Variants in PARVA observed in about 807,000 individuals in gnomAD.
PARVA encodes parvin alpha.
A neutral mutation model predicts 52.6 loss-of-function variants in PARVA; 25 were observed. The ratio of observed to expected loss-of-function variants is 0.48; its 90% CI spans 0.35 to 0.66. The LOEUF is 0.66. PARVA is among the 30% of genes least tolerant of loss of function. The pLI is 0.01. For synonymous variants in PARVA, 185 were observed against 179.1 expected (o/e 1.03, Z -0.26); for missense variants, 373 against 450.9 (o/e 0.83, Z 1.56).
intron 1 of PARVA, among the ~76,000 whole-genome samples, chr11:12,459,910 CA>C (rs773031269): frequency 6.6e-6 from 1 of 152,150 alleles, no homozygotes; most frequent in Non-Finnish European, 1.5e-5. Flanking sequence ...TTAAAACAAA[CA>C]AAAACACTGC....
In PARVA at chr11:12,448,091, T is replaced by G. The variant is rs1397219538; in HGVS notation, c.137-25654T>G. Among the ~76,000 whole-genome samples, 5 of 152,330 alleles carry G rather than the reference T, an allele frequency of 3.3e-5. No individual in the cohort carries two copies. In the South Asian group the frequency reaches 6.2e-4, roughly 19 times the overall value. On this transcript the variant is annotated intron_variant, in intron 1 of 12. Transcript: ENST00000334956. ...GTGCTCAATTTATAATGTGTATAAATTACAATTGAATCACGTGCAGGGCTG... is the reference window on the plus strand; with the variant it reads ...GTGCTCAATTTATAATGTGTATAAAGTACAATTGAATCACGTGCAGGGCTG...
chr11:12,416,641 A>C (rs1459813591), intron 1 of PARVA, among the ~76,000 whole-genome samples: 1 of 152,100 alleles, frequency 6.6e-6, no homozygotes, highest in Non-Finnish European at 1.5e-5. Context: ...GAAGGAAGGA[A>C]ATCAGGGGAG....
At chr11:12,495,621 C>CTT (rs113219639) in intron 4 of PARVA, among the ~76,000 whole-genome samples, 308 of 150,410 alleles carry the variant, frequency 2.0e-3, no homozygotes, top group Non-Finnish European at 2.7e-3. Context: ...TGAGTTTTTC[C>CTT]TTTTTTTTAA....
chr11:12,462,663 A>G (rs755253064), intron 1 of PARVA, among the ~76,000 whole-genome samples: 1 of 152,232 alleles, frequency 6.6e-6, no homozygotes, highest in East Asian at 1.9e-4. Flanking sequence ...ACAAAAGCCC[A>G]TGGTATAAAG....
chr11:12,405,835 G>A (rs1042792202), intron 1 of PARVA, among the ~76,000 whole-genome samples: 2 of 152,010 alleles, frequency 1.3e-5, no homozygotes, highest in African/African-American at 4.8e-5. Context: ...GCAGGTGCCT[G>A]TAATCACAGC....
At chr11:12,422,742 A>G (rs1940169520) in intron 1 of PARVA, among the ~76,000 whole-genome samples, 3 of 152,334 alleles carry the variant, frequency 2.0e-5, no homozygotes, top group South Asian at 2.1e-4. Flanking sequence ...ATGACAATAT[A>G]TGTTTATCTC....
intron 4 of PARVA, among the ~76,000 whole-genome samples, chr11:12,481,782 T>G (rs969775479): frequency 6.6e-6 from 1 of 152,102 alleles, no homozygotes; most frequent in Admixed American, 6.6e-5. Context: ...AGTTTGAGAT[T>G]AGTAAAGTAA....
Position 12,533,784 on chromosome 11 carries a change from C to T in PARVA, c.*5859C>T, listed in dbSNP as rs1941801231. The stretch of plus-strand genomic sequence containing the variant: ...AGCAGGTCATCATAAAGTCCTCATC[C>T]TCATGGTCATCACATTGAGTAGGCG... On this transcript the variant is annotated 3_prime_UTR_variant, in exon 13 of 13. Transcript: ENST00000334956. Among the ~76,000 whole-genome samples the T allele has an allele frequency of 6.7e-6, 1 of 150,208 alleles. No individual in the cohort carries two copies. Among genetic ancestry groups the T allele is most frequent in the African/African-American group, 2.5e-5 (1 of 40,248 alleles).
At chr11:12,428,676 C>T (rs900157486) in intron 1 of PARVA, among the ~76,000 whole-genome samples, 4 of 152,140 alleles carry the variant, frequency 2.6e-5, no homozygotes, top group South Asian at 2.1e-4. Context: ...GGCTCAGTGT[C>T]GGGTGCAGAG....
intron 1 of PARVA, among the ~76,000 whole-genome samples, chr11:12,432,309 T>A (rs1940326659): frequency 6.6e-6 from 1 of 152,248 alleles, no homozygotes; most frequent in African/African-American, 2.4e-5. Context: ...AATGTGCATG[T>A]TTAGGACAGT....
At chr11:12,515,775 G>T (rs569073791) in intron 10 of PARVA, among the ~76,000 whole-genome samples, 1 of 152,298 alleles carries the variant, frequency 6.6e-6, no homozygotes, top group Non-Finnish European at 1.5e-5. Context: ...TCCACCTAGG[G>T]TGAGTCATGC....
chr11:12,415,237 A>G (rs1940049677), intron 1 of PARVA, among the ~76,000 whole-genome samples: 1 of 152,222 alleles, frequency 6.6e-6, no homozygotes, highest in Non-Finnish European at 1.5e-5. Context: ...TATGAGGCTC[A>G]TGGGAGCAAA....
intron 1 of PARVA, among the ~76,000 whole-genome samples, chr11:12,401,578 C>T (rs771001661): frequency 6.6e-5 from 10 of 152,216 alleles, no homozygotes; most frequent in African/African-American, 9.6e-5. Flanking sequence ...ATGAATCTTA[C>T]GAAGTTGAAG....
intron 12 of PARVA, among the ~76,000 whole-genome samples, chr11:12,525,035 G>T (rs1391435494): frequency 2.0e-5 from 3 of 152,210 alleles, no homozygotes; most frequent in Non-Finnish European, 4.4e-5. Context: ...GAGTGATCTA[G>T]ATGTTGTAAC....
At chr11:12,482,894 A>G (rs956730749) in intron 4 of PARVA, among the ~76,000 whole-genome samples, 1 of 152,232 alleles carries the variant, frequency 6.6e-6, no homozygotes, top group Non-Finnish European at 1.5e-5. Flanking sequence ...GCAAGGACAC[A>G]GCCAAACCAT....
chr11:12,475,652 G>C (rs994616691), intron 3 of PARVA, among the ~76,000 whole-genome samples: 1 of 152,318 alleles, frequency 6.6e-6, no homozygotes, highest in Middle Eastern at 3.4e-3. Flanking sequence ...GGAGGACTGA[G>C]GGCAGTCATC....
chr11:12,508,488 T>G (rs879485308), intron 6 of PARVA, 96 bp from the exon 7 acceptor site: 8 of 891,140 alleles, frequency 9.0e-6, no homozygotes, highest in Non-Finnish European at 1.5e-5. Context: ...CACCAGTAAC[T>G]TTCTCATTAT....
At chr11:12,475,101 G>GCTCTAGCTGCCTCTTCA (rs1940991250) in intron 3 of PARVA, among the ~76,000 whole-genome samples, 1 of 152,164 alleles carries the variant, frequency 6.6e-6, no homozygotes, top group Non-Finnish European at 1.5e-5. Context: ...TAGACTCCTT[G>GCTCTAGCTGCCTCTTCA]CTCTAGCTGC....
chr11:12,423,668 C>T (rs571994440), intron 1 of PARVA, among the ~76,000 whole-genome samples: 5 of 152,046 alleles, frequency 3.3e-5, no homozygotes, highest in African/African-American at 1.2e-4. Flanking sequence ...ATATAATATA[C>T]TTTTCTTCAT....
Sources: allele counts gnomAD v4.1 joint callset (sites outside exome capture counted in the v4.1 genomes callset), GRCh38; gene constraint gnomAD v4.1.1; transcripts MANE v1.5; gene names NCBI Gene and HGNC (gene_info 2026-07-23, HGNC 2026-07-21).